Variants in PIK3C2G observed in about 807,000 individuals in gnomAD.
PIK3C2G encodes phosphatidylinositol-4-phosphate 3-kinase catalytic subunit type 2 gamma.
A neutral mutation model predicts 181.1 loss-of-function variants in PIK3C2G; 168 were observed. The observed-to-expected ratio is 0.93, with a 90% CI of 0.82 to 1.05. The LOEUF (loss-of-function observed/expected upper bound fraction) is 1.05, where lower values mean the gene tolerates loss of function less well. Among genes scored for constraint, PIK3C2G ranks in the 50% least tolerant of loss-of-function variants. The probability of loss-of-function intolerance (pLI) is 0.00; values close to 1 mark genes in which losing one functional copy is unlikely to be tolerated. For missense variants in PIK3C2G, 1,869 were observed against 1,732.8 expected (o/e 1.08, Z -1.40); for synonymous variants, 573 against 592.2 (o/e 0.97, Z 0.47).
At chr12:18,429,710 T>C (rs1206344185) in intron 18 of PIK3C2G, among the ~76,000 whole-genome samples, 1 of 152,168 alleles carries the variant, frequency 6.6e-6, no homozygotes, top group Admixed American at 6.5e-5. Flanking sequence ...TTAAAAATTA[T>C]GAATCCACAG....
chr12:18,412,520 G>A (rs1028316402), intron 16 of PIK3C2G, among the ~76,000 whole-genome samples: 1 of 152,076 alleles, frequency 6.6e-6, no homozygotes, highest in Non-Finnish European at 1.5e-5. Flanking sequence ...ACATATTAAA[G>A]AGACTCGCAA....
At chr12:18,461,320 T>C (rs1205665431) in intron 18 of PIK3C2G, among the ~76,000 whole-genome samples, 5 of 152,186 alleles carry the variant, frequency 3.3e-5, no homozygotes, top group African/African-American at 1.2e-4. Context: ...ACCCCTGTTG[T>C]TGGACATTCA....
intron 13 of PIK3C2G, among the ~76,000 whole-genome samples, chr12:18,376,449 T>G (rs1430527098): frequency 6.6e-6 from 1 of 152,202 alleles, no homozygotes; most frequent in African/African-American, 2.4e-5. Context: ...GTAACTTGTT[T>G]TGATTTTATG....
At chr12:18,679,791 GA>G in the PIK3C2G span, among the ~76,000 whole-genome samples, 1 of 151,922 alleles carries the variant, frequency 6.6e-6, no homozygotes, top group African/African-American at 2.4e-5. Flanking sequence ...ATGGAAAGTA[GA>G]AAAAGGGCAC....
At chr12:18,265,245 T>C (rs1038846333) in intron 1 of PIK3C2G, among the ~76,000 whole-genome samples, 1 of 152,214 alleles carries the variant, frequency 6.6e-6, no homozygotes, top group Non-Finnish European at 1.5e-5. Flanking sequence ...TGGTTTCTGA[T>C]GTGAGAAAAT....
At chr12:18,611,650 T>C (rs1445274786) in intron 31 of PIK3C2G, among the ~76,000 whole-genome samples, 1 of 152,034 alleles carries the variant, frequency 6.6e-6, no homozygotes, top group Non-Finnish European at 1.5e-5. Context: ...ACCTACATCG[T>C]TTGCCACCTT....
chr12:18,301,311 C>A (rs184859703), intron 5 of PIK3C2G, among the ~76,000 whole-genome samples: 64 of 152,232 alleles, frequency 4.2e-4, no homozygotes, highest in Non-Finnish European at 4.4e-5. Flanking sequence ...TATGCCTTTG[C>A]CCATCTCCAC....
At chr12:18,608,488 A>G (rs1342525367) in intron 30 of PIK3C2G, among the ~76,000 whole-genome samples, 3 of 145,756 alleles carry the variant, frequency 2.1e-5, no homozygotes, top group Non-Finnish European at 3.0e-5. Flanking sequence ...GTTCTCACTC[A>G]TAGGTGGGAA....
chr12:18,622,111 C>T (rs1162858203), intron 31 of PIK3C2G, among the ~76,000 whole-genome samples: 1 of 151,806 alleles, frequency 6.6e-6, no homozygotes, highest in Non-Finnish European at 1.5e-5. Flanking sequence ...GTACAATACT[C>T]AATTATTAGT....
At chr12:18,405,415 T>G (rs866629543) in intron 16 of PIK3C2G, among the ~76,000 whole-genome samples, 1,750 of 151,846 alleles carry the variant, frequency 0.012, 36 homozygotes, top group African/African-American at 0.04. Context: ...GTTGTTGTTG[T>G]TGTTGTTGTT....
intron 10 of PIK3C2G, among the ~76,000 whole-genome samples, chr12:18,344,570 C>G (rs1939478409): frequency 6.6e-6 from 1 of 152,048 alleles, no homozygotes; most frequent in African/African-American, 2.4e-5. Context: ...GAAACTGATT[C>G]TCCCTTTCTA....
At chr12:18,536,477 A>G (rs1396812567) in intron 24 of PIK3C2G, among the ~76,000 whole-genome samples, 2 of 152,078 alleles carry the variant, frequency 1.3e-5, no homozygotes, top group African/African-American at 2.4e-5. Flanking sequence ...GAACTACTAT[A>G]GTTAAGTGGT....
chr12:18,559,821 T>TATATATATAGAG (rs1945244509), intron 26 of PIK3C2G, among the ~76,000 whole-genome samples: 3 of 18,366 alleles, frequency 1.6e-4, no homozygotes, highest in Admixed American at 1.0e-3. Context: ...TATATATATA[T>TATATATATAGAG]AGAGAGAGAG....
chr12:18,596,158 T>A (rs1469349057), intron 30 of PIK3C2G, among the ~76,000 whole-genome samples: 1 of 152,074 alleles, frequency 6.6e-6, no homozygotes, highest in Non-Finnish European at 1.5e-5. Flanking sequence ...AGCATGGCAT[T>A]TGTAAAATAA....
intron 24 of PIK3C2G, among the ~76,000 whole-genome samples, chr12:18,530,429 C>A (rs1053146890): frequency 6.6e-6 from 1 of 152,088 alleles, no homozygotes; most frequent in Non-Finnish European, 1.5e-5. Context: ...TTTAAATAAC[C>A]TTGCCTCAAA....
chr12:18,680,795 G>C, the PIK3C2G span, among the ~76,000 whole-genome samples: 1 of 151,960 alleles, frequency 6.6e-6, no homozygotes, highest in African/African-American at 2.4e-5. Flanking sequence ...ATTGGATTTG[G>C]GCTTGGATTA....
At chr12:18,684,230 T>C in the PIK3C2G span, 5 of 1,611,184 alleles carry the variant, frequency 3.1e-6, no homozygotes, top group Non-Finnish European at 4.2e-6. Flanking sequence ...ATGCCAATTC[T>C]GGGACATGAA....
chr12:18,327,773 C>T (rs1951413747), intron 8 of PIK3C2G, among the ~76,000 whole-genome samples: 2 of 151,940 alleles, frequency 1.3e-5, no homozygotes, highest in Admixed American at 1.3e-4. Flanking sequence ...CCCAAGGTAT[C>T]ACTGAATGCT....
chr12:18,435,568 G>A (rs1946401031), intron 18 of PIK3C2G, among the ~76,000 whole-genome samples: 2 of 152,056 alleles, frequency 1.3e-5, no homozygotes, highest in South Asian at 4.1e-4. Flanking sequence ...CATGTTAAGA[G>A]AGAAAATCCA....
Sources: allele counts gnomAD v4.1 joint callset (sites outside exome capture counted in the v4.1 genomes callset), GRCh38; gene constraint gnomAD v4.1.1; transcripts MANE v1.5; gene names NCBI Gene and HGNC (gene_info 2026-07-23, HGNC 2026-07-21).